Variants in FSTL1 observed in about 807,000 individuals in gnomAD.
FSTL1 encodes follistatin-related protein 1.
A neutral mutation model predicts 45.9 loss-of-function variants in FSTL1; 24 were observed. The observed-to-expected ratio is 0.52, with a 90% confidence interval of 0.38 to 0.74. The LOEUF is 0.74. Among genes scored for constraint, FSTL1 ranks in the 30% least tolerant of loss-of-function variants. FSTL1 has a pLI of 0.00. For synonymous variants in FSTL1, 120 were observed against 137.6 expected, an observed-to-expected ratio of 0.87 and a Z score of 0.89; for missense variants, 340 against 381.8, an observed-to-expected ratio of 0.89 and a Z score of 0.91.
At chr3:120,409,064 A>G (rs1937000931) in intron 6 of FSTL1, among the ~76,000 whole-genome samples, 1 of 152,226 alleles carries the variant, frequency 6.6e-6, no homozygotes, top group Non-Finnish European at 1.5e-5. Context: ...GACCCATGAA[A>G]TGCCAGTCCA....
At chr3:120,426,737 G>A (rs1044172040) in intron 2 of FSTL1, among the ~76,000 whole-genome samples, 28 of 152,130 alleles carry the variant, frequency 1.8e-4, no homozygotes, top group Non-Finnish European at 5.9e-5. Context: ...TTGGATGCCC[G>A]ACACTGTCAC....
At chr3:120,398,772 A>G (rs1276983125) in intron 10 of FSTL1, among the ~76,000 whole-genome samples, 1 of 152,246 alleles carries the variant, frequency 6.6e-6, no homozygotes, top group African/African-American at 2.4e-5. Context: ...TAAACATATT[A>G]GCTACTATAA....
intron 6 of FSTL1, 124 bp downstream of exon 6, chr3:120,409,408 G>A (rs749924659): frequency 8.2e-6 from 7 of 856,094 alleles, no homozygotes; most frequent in Non-Finnish European, 1.3e-5. Flanking sequence ...TCTATGATGA[G>A]GAAACTCAGG....
chr3:120,446,635 G>A (rs1311701123), intron 2 of FSTL1, among the ~76,000 whole-genome samples: 1 of 152,194 alleles, frequency 6.6e-6, no homozygotes, highest in Non-Finnish European at 1.5e-5. Flanking sequence ...ACAAGTTGTG[G>A]CACCAAGAAG....
chr3:120,442,490 C>CA lies in FSTL1; in HGVS notation c.63+8193dup, dbSNP rs1937642833. Among the ~76,000 whole-genome samples, 4 of 152,254 alleles carry CA rather than the reference C, an allele frequency of 2.6e-5. No individual in the cohort carries two copies. In the South Asian group the frequency reaches 6.2e-4, roughly 24 times the overall value. On this transcript the variant is annotated intron_variant, in intron 2 of 10. Coordinates refer to ENST00000295633, the MANE Select transcript of FSTL1 (RefSeq NM_007085.5). ...TTTGTTACAGAGTCTATGAAAAAGACAGAGTTAGGCCTGGCATCGTGGCTC... is the reference window on the plus strand; with the variant it reads ...TTTGTTACAGAGTCTATGAAAAAGACAAGAGTTAGGCCTGGCATCGTGGCTC...
chr3:120,409,459 G>A, intron 6 of FSTL1, 73 bp downstream of exon 6: 1 of 1,333,066 alleles, frequency 7.5e-7, no homozygotes, highest in Non-Finnish European at 1.1e-6. Context: ...CTGGGAAGGT[G>A]TGATCGGGCA....
In FSTL1 at chr3:120,396,648, A is replaced by G. The variant is rs991407878; in HGVS notation, c.*304T>C. The stretch of plus-strand genomic sequence containing the variant: ...CCTGCTGACAGATGCAGTAAACTCA[A>G]AAGAGGTTCAGATTTGGGTCTGTTC... On this transcript the variant is annotated 3_prime_UTR_variant, in exon 11 of 11. Coordinates refer to ENST00000295633, the MANE Select transcript of FSTL1 (RefSeq NM_007085.5). 3.0e-6 allele frequency: 1 copy of G among 331,640 alleles called. No homozygotes were observed. Among genetic ancestry groups the G allele is most frequent in the Non-Finnish European group, 5.5e-6 (1 of 180,732 alleles). The allele number at this position is 331,640 out of a possible 1,614,324, so 20.5% of individuals were successfully genotyped here.
intron 2 of FSTL1, among the ~76,000 whole-genome samples, chr3:120,446,174 G>T (rs1937735249): frequency 6.6e-6 from 1 of 152,168 alleles, no homozygotes; most frequent in Non-Finnish European, 1.5e-5. Context: ...TCTCATATGT[G>T]ATCACTGGTA....
At chr3:120,427,438 G>A (rs1289016915) in intron 2 of FSTL1, among the ~76,000 whole-genome samples, 1 of 152,082 alleles carries the variant, frequency 6.6e-6, no homozygotes, top group Non-Finnish European at 1.5e-5. Context: ...ATTAACCTTT[G>A]TTGAAAGCAA....
chr3:120,397,603 T>C (rs1576204557), intron 10 of FSTL1, among the ~76,000 whole-genome samples: 1 of 152,024 alleles, frequency 6.6e-6, no homozygotes, highest in Non-Finnish European at 1.5e-5. Flanking sequence ...AAATAAAAAA[T>C]AGCAATAACA....
chr3:120,402,777 GT>G (rs1251662480), intron 9 of FSTL1, 30 bp downstream of exon 9: 4 of 1,293,290 alleles, frequency 3.1e-6, no homozygotes, highest in African/African-American at 2.9e-5. Flanking sequence ...TCTCCTTGCT[GT>G]TTTTTCTTTC....
At position 120,417,774 on chromosome 3, in the gene FSTL1, C is replaced by T. The variant is rs1937213055; in HGVS notation, c.64-1747G>A. The stretch of plus-strand genomic sequence containing the variant: ...ATAAAAAAGCATGCTCAGACACATG[C>T]CTGCACTCAAAGACACCCGCACACA... On this transcript the variant is annotated intron_variant, in intron 2 of 10. Transcript: ENST00000295633. Among the ~76,000 whole-genome samples, 4 of 152,180 alleles carry T rather than the reference C, an allele frequency of 2.6e-5. No homozygotes were observed. In the South Asian group the frequency reaches 8.3e-4, roughly 32 times the overall value.
chr3:120,448,083 T>C (rs192153483), intron 2 of FSTL1, among the ~76,000 whole-genome samples: 2 of 152,386 alleles, frequency 1.3e-5, no homozygotes, highest in Non-Finnish European at 2.9e-5. Flanking sequence ...ACAGAGGCTC[T>C]GGCTTCTTCA....
chr3:120,404,127 G>A (rs1184028056), intron 7 of FSTL1, among the ~76,000 whole-genome samples: 2 of 152,084 alleles, frequency 1.3e-5, no homozygotes, highest in Admixed American at 6.5e-5. Flanking sequence ...TCCGTAAAAG[G>A]AGGACAAGAA....
chr3:120,404,414 A>G (rs1242672305), intron 7 of FSTL1, among the ~76,000 whole-genome samples: 1 of 152,260 alleles, frequency 6.6e-6, no homozygotes, highest in African/African-American at 2.4e-5. Context: ...CCATAAAAGT[A>G]GACGGGCATA....
At chr3:120,404,171 C>T (rs1015871795) in intron 7 of FSTL1, among the ~76,000 whole-genome samples, 3 of 152,026 alleles carry the variant, frequency 2.0e-5, no homozygotes, top group Non-Finnish European at 4.4e-5. Context: ...GAGGCTCAAA[C>T]GTTGAAATTA....
intron 2 of FSTL1, among the ~76,000 whole-genome samples, chr3:120,449,643 C>A (rs1293277290): frequency 6.6e-6 from 1 of 152,076 alleles, no homozygotes; most frequent in Non-Finnish European, 1.5e-5. Context: ...CAGTACAATG[C>A]GTATTTTTTA....
chr3:120,401,199 C>A (rs914038297), intron 9 of FSTL1, among the ~76,000 whole-genome samples: 7 of 152,170 alleles, frequency 4.6e-5, no homozygotes, highest in African/African-American at 1.7e-4. Context: ...AGGCCACTGA[C>A]TGTTTTGAGA....
chr3:120,397,222 T>C (rs1332472559), intron 10 of FSTL1, among the ~76,000 whole-genome samples: 1 of 152,172 alleles, frequency 6.6e-6, no homozygotes, highest in Non-Finnish European at 1.5e-5. Context: ...CTGACTCCAT[T>C]TGGACTCCTA....
Sources: allele counts gnomAD v4.1 joint callset (sites outside exome capture counted in the v4.1 genomes callset), GRCh38; gene constraint gnomAD v4.1.1; transcripts MANE v1.5; gene names NCBI Gene and HGNC (gene_info 2026-07-23, HGNC 2026-07-21).